KLRG2: variants seen among roughly 807,000 people sequenced by gnomAD.
The protein encoded by KLRG2 is killer cell lectin-like receptor subfamily G member 2.
KLRG2 carries 39 observed loss-of-function variants against 35.4 expected under a neutral mutation model. That is an observed-to-expected ratio of 1.10 (90% CI 0.85 to 1.44). The LOEUF is 1.44. Among genes scored for constraint, KLRG2 ranks in the 40% most tolerant of loss-of-function variants. The pLI is 0.00. For synonymous variants in KLRG2, 283 were observed against 265.8 expected, an observed-to-expected ratio of 1.06 and a Z score of -0.63; for missense variants, 632 against 570.9, an observed-to-expected ratio of 1.11 and a Z score of -1.09.
chr7:139,482,639 C>A (rs1363678039), intron 1 of KLRG2, among the ~76,000 whole-genome samples: 1 of 152,156 alleles, frequency 6.6e-6, no homozygotes, highest in Non-Finnish European at 1.5e-5. Flanking sequence ...GTGATCCGCC[C>A]GCCTCGGCTT....
At chr7:139,447,291 T>A in the KLRG2 span, among the ~76,000 whole-genome samples, 1 of 152,282 alleles carries the variant, frequency 6.6e-6, no homozygotes, top group East Asian at 1.9e-4. Context: ...CACGAACCTA[T>A]AGGTTAGAGC....
intron 3 of KLRG2, among the ~76,000 whole-genome samples, chr7:139,467,165 C>T (rs1242467154): frequency 6.6e-6 from 1 of 152,152 alleles, no homozygotes; most frequent in Non-Finnish European, 1.5e-5. Flanking sequence ...GCCCCTAATC[C>T]CGCTCGAAGC....
chr7:139,469,739 C>T (rs569013363), intron 3 of KLRG2, among the ~76,000 whole-genome samples: 9 of 152,218 alleles, frequency 5.9e-5, no homozygotes, highest in Non-Finnish European at 8.8e-5. Context: ...CCACTACGCC[C>T]GGCTAATACA....
At chr7:139,462,280 C>T (rs1216414336) in intron 3 of KLRG2, among the ~76,000 whole-genome samples, 4 of 152,172 alleles carry the variant, frequency 2.6e-5, no homozygotes, top group Non-Finnish European at 5.9e-5. Context: ...TGCCTTGGTC[C>T]TTCACCCTTA....
At chr7:139,444,471 C>T in the KLRG2 span, among the ~76,000 whole-genome samples, 8 of 152,218 alleles carry the variant, frequency 5.3e-5, no homozygotes, top group Middle Eastern at 3.4e-3. Flanking sequence ...TGTGGGCCAC[C>T]GTGCCCAGCT....
the KLRG2 span, among the ~76,000 whole-genome samples, chr7:139,434,052 G>T: frequency 1.3e-5 from 2 of 152,174 alleles, no homozygotes. Flanking sequence ...GAGCTGAAAG[G>T]CTCCTGATGT....
At chr7:139,436,310 C>T in the KLRG2 span, among the ~76,000 whole-genome samples, 5 of 152,068 alleles carry the variant, frequency 3.3e-5, no homozygotes, top group African/African-American at 1.2e-4. Flanking sequence ...GCTGCTGTTC[C>T]GTCTGCCCTT....
the KLRG2 span, among the ~76,000 whole-genome samples, chr7:139,428,621 T>A: frequency 6.7e-6 from 1 of 148,574 alleles, no homozygotes; most frequent in African/African-American, 2.6e-5. Context: ...GAAATCAATA[T>A]GACAATCTAC....
chr7:139,450,317 G>C (rs545781163), downstream of KLRG2, among the ~76,000 whole-genome samples: 2 of 151,718 alleles, frequency 1.3e-5, no homozygotes, highest in South Asian at 2.1e-4. Flanking sequence ...TCTGCCTCCT[G>C]GGTTCACGCC....
intron 3 of KLRG2, among the ~76,000 whole-genome samples, chr7:139,463,247 AAAG>A (rs1174450364): frequency 6.6e-6 from 1 of 152,220 alleles, no homozygotes; most frequent in African/African-American, 2.4e-5. Context: ...GAAAGGTCAG[AAAG>A]AAGGCCATCT....
In KLRG2 at chr7:139,479,717, G is replaced by T; in HGVS notation, c.915C>A (p.Tyr305Ter). Residue 305 changes from tyrosine to a stop codon, truncating the protein, a stop_gained, in exon 3 of 5, where the codon TAC becomes TAA. Transcript: ENST00000340940. LOFTEE classifies it high-confidence loss of function. Reference protein sequence around the residue: ...PGWVLSEEHCYYFSAEAQAWE... With the variant: ...PGWVLSEEHC Reference sequence around the variant, plus strand: ...AGGCCTGCGCTTCTGCAGAGAAGTAGTAACAGTGCTCCTCGGACAACACCC... The same window carrying T: ...AGGCCTGCGCTTCTGCAGAGAAGTATTAACAGTGCTCCTCGGACAACACCC... 4 of 1,614,078 alleles carry T rather than the reference G, an allele frequency of 2.5e-6. No individual in the cohort carries two copies. The South Asian group carries it at 3.3e-5, about 13-fold the overall frequency.
chr7:139,447,788 C>G (rs1305866831), downstream of KLRG2, among the ~76,000 whole-genome samples: 3 of 152,084 alleles, frequency 2.0e-5, no homozygotes, highest in Non-Finnish European at 4.4e-5. Flanking sequence ...TAACACAGCT[C>G]CAAGAATGTA....
chr7:139,475,026 C>A (rs1796825565), intron 3 of KLRG2, among the ~76,000 whole-genome samples: 1 of 152,178 alleles, frequency 6.6e-6, no homozygotes, highest in South Asian at 2.1e-4. Flanking sequence ...CAGAGACAGG[C>A]CAAGAAGAAT....
At chr7:139,431,561 C>A in the KLRG2 span, among the ~76,000 whole-genome samples, 1 of 152,122 alleles carries the variant, frequency 6.6e-6, no homozygotes, top group Non-Finnish European at 1.5e-5. Context: ...CATGCCTGAC[C>A]TACTGAAAAA....
intron 3 of KLRG2, among the ~76,000 whole-genome samples, chr7:139,479,151 C>T (rs1188191994): frequency 1.3e-5 from 2 of 152,074 alleles, no homozygotes; most frequent in Admixed American, 6.6e-5. Flanking sequence ...GGAGTGATCT[C>T]GGCTCACTGC....
At chr7:139,441,326 C>T in the KLRG2 span, among the ~76,000 whole-genome samples, 1 of 152,108 alleles carries the variant, frequency 6.6e-6, no homozygotes, top group African/African-American at 2.4e-5. Flanking sequence ...TTTGCAGGGA[C>T]ATGGATGAAG....
chr7:139,449,980 C>A (rs539863827), downstream of KLRG2, among the ~76,000 whole-genome samples: 1 of 151,402 alleles, frequency 6.6e-6, no homozygotes, highest in Non-Finnish European at 1.5e-5. Context: ...GGATTACAGG[C>A]GTGAGCCACT....
intron 3 of KLRG2, among the ~76,000 whole-genome samples, chr7:139,455,654 C>A (rs1292440398): frequency 6.6e-6 from 1 of 152,116 alleles, no homozygotes; most frequent in African/African-American, 2.4e-5. Flanking sequence ...AAGTTTAAAT[C>A]TTTTAAGTCC....
intron 3 of KLRG2, among the ~76,000 whole-genome samples, chr7:139,468,855 A>C (rs1461809889): frequency 6.6e-6 from 1 of 152,226 alleles, no homozygotes; most frequent in Non-Finnish European, 1.5e-5. Context: ...GTGATTAAAC[A>C]TTAAATGCAC....
Sources: gnomAD v4.1 joint callset for allele counts (sites outside exome capture counted in the v4.1 genomes callset) on GRCh38, gnomAD v4.1.1 for gene constraint, MANE v1.5 for transcripts, NCBI Gene and HGNC (gene_info 2026-07-23, HGNC 2026-07-21) for gene names.